Variants in PTK7 observed in about 807,000 individuals in gnomAD.
The protein encoded by PTK7 is inactive tyrosine-protein kinase 7.
In PTK7, 39 loss-of-function variants were observed where a neutral mutation model predicts 116.6. The observed-to-expected ratio is 0.33, with a 90% CI of 0.26 to 0.44. PTK7 has a LOEUF of 0.44. Ranked by LOEUF, PTK7 falls within the 20% of genes least tolerant of loss-of-function variation. PTK7 has a pLI of 1.00. For missense variants in PTK7, 1,169 were observed against 1,425.6 expected (o/e 0.82, Z 2.90); for synonymous variants, 546 against 563.6 (o/e 0.97, Z 0.44).
At chr6:43,118,885 C>A (rs1437535492) in intron 1 of PTK7, among the ~76,000 whole-genome samples, 1 of 150,574 alleles carries the variant, frequency 6.6e-6, no homozygotes, top group Non-Finnish European at 1.5e-5. Context: ...CCTCTCACTT[C>A]AGCCTCCCAA....
intron 1 of PTK7, among the ~76,000 whole-genome samples, chr6:43,094,919 C>T (rs923065183): frequency 1.3e-5 from 2 of 151,136 alleles, no homozygotes; most frequent in Non-Finnish European, 2.9e-5. Context: ...GTTGTGGGCA[C>T]CTGTAGTCCC....
At chr6:43,133,121 T>C (rs1038777009) in intron 7 of PTK7, 2 of 334,002 alleles carry the variant, frequency 6.0e-6, no homozygotes, top group Admixed American at 4.6e-5. Context: ...ATGATTTTTC[T>C]TTTTTTCTTT....
In PTK7 at chr6:43,141,969, G is replaced by A; in HGVS notation, c.1807G>A (p.Val603Met). Residue 603 changes from valine to methionine, a missense_variant, in exon 12 of 20, where the codon GTG becomes ATG. Coordinates refer to ENST00000230419, the MANE Select transcript of PTK7 (RefSeq NM_002821.5). This position sits in a 1 kb window ranked among gnomAD's most constrained non-coding sequence, Gnocchi z 4.9. The part of the protein sequence containing the change: ...TFKVEPERTT[V>M]YQGHTALLQC... ...CAAAGTGGAACCAGAGCGTACGACT[G>A]TGTACCAGGGCCACACAGCCCTACT... 1 of 1,613,398 alleles carries A rather than the reference G, an allele frequency of 6.2e-7. No homozygotes were observed. The highest frequency in any genetic ancestry group is 8.5e-7 in the Non-Finnish European group (1 of 1,179,860).
At chr6:43,120,025 G>C (rs1472342600) in intron 1 of PTK7, among the ~76,000 whole-genome samples, 1 of 152,148 alleles carries the variant, frequency 6.6e-6, no homozygotes, top group African/African-American at 2.4e-5. Context: ...ACTTTTGTGT[G>C]TCTATACTTA....
In PTK7 at chr6:43,143,241, G is replaced by GT; in HGVS notation, c.2048-173dup. ...TGGCCTCATCTCCTTCAGAGTCTTC[G>GT]TTTGACCTTGGTGGGGCATGAGGAC... is the stretch of plus-strand genomic sequence containing the variant. On this transcript the variant is annotated intron_variant, in intron 13 of 19. Coordinates refer to ENST00000230419, the MANE Select transcript of PTK7 (RefSeq NM_002821.5). The surrounding 1 kb of genome is among the most constrained non-coding windows in gnomAD (Gnocchi z 4.2). 1.6e-6 allele frequency: 1 copy of GT among 623,026 alleles called. No individual in the cohort carries two copies. The highest frequency in any genetic ancestry group is 2.0e-5 in the South Asian group (1 of 50,248). The allele number at this position is 623,026 out of a possible 1,614,324, so 38.6% of individuals were successfully genotyped here. A position where few individuals can be genotyped will look rare whatever the true frequency, so the allele number is the denominator to read the frequency against.
At chr6:43,094,002 A>T (rs1042124376) in intron 1 of PTK7, among the ~76,000 whole-genome samples, 2 of 152,182 alleles carry the variant, frequency 1.3e-5, no homozygotes, top group Non-Finnish European at 2.9e-5. Flanking sequence ...TTAAAGTTAT[A>T]CTTCTACGCA....
intron 17 of PTK7, among the ~76,000 whole-genome samples, chr6:43,149,059 C>CAAAAAAAA (rs59033917): frequency 4.3e-5 from 3 of 69,830 alleles, no homozygotes; most frequent in Non-Finnish European, 8.0e-5. Context: ...GACTTTGTCT[C>CAAAAAAAA]AAAAAAAAAA....
At chr6:43,128,917 G>C in intron 1 of PTK7, 60 bp from the exon 2 acceptor site, 1 of 1,532,624 alleles carries the variant, frequency 6.5e-7, no homozygotes, top group Non-Finnish European at 8.9e-7. Context: ...AAGGTGGCCT[G>C]TGTTAGGACA....
At chr6:43,097,932 C>G (rs1031582370) in intron 1 of PTK7, among the ~76,000 whole-genome samples, 7 of 152,184 alleles carry the variant, frequency 4.6e-5, no homozygotes, top group Non-Finnish European at 8.8e-5. Context: ...CCTTGGTTTT[C>G]CCACACAGCC....
intron 7 of PTK7, among the ~76,000 whole-genome samples, chr6:43,137,401 G>A (rs1395603865): frequency 6.6e-6 from 1 of 152,162 alleles, no homozygotes; most frequent in Non-Finnish European, 1.5e-5. Context: ...ATAGAGAGAA[G>A]ACAAGGCTAG....
intron 1 of PTK7, among the ~76,000 whole-genome samples, chr6:43,103,935 G>C (rs1276638350): frequency 6.6e-6 from 1 of 152,126 alleles, no homozygotes; most frequent in Non-Finnish European, 1.5e-5. Flanking sequence ...CTGCACCCGG[G>C]GTGAAAATCT....
At position 43,143,447 on chromosome 6, in the gene PTK7, C is replaced by T. The variant is rs1468515184; in HGVS notation, c.2078C>T (p.Pro693Leu). ...CCTGTGCCGGAGGAGTCGGAGGGCCCTGGCAGCCCTCCCCCCTACAAGATG... is the reference window on the plus strand; with the variant it reads ...CCTGTGCCGGAGGAGTCGGAGGGCCTTGGCAGCCCTCCCCCCTACAAGATG... ...DKPVPEESEG[P>L]GSPPPYKMIQ... The change falls in exon 14 of 20, where the codon CCT (proline) becomes CTT (leucine). Residue 693 changes from proline to leucine, a missense_variant. Physicochemically the swap from Pro to Leu is moderately conservative, Grantham distance 98. Coordinates refer to ENST00000230419, the MANE Select transcript of PTK7 (RefSeq NM_002821.5). The surrounding 1 kb of genome is among the most constrained non-coding windows in gnomAD (Gnocchi z 4.2). 6.2e-7 allele frequency: 1 copy of T among 1,614,020 alleles called. No individual in the cohort carries two copies. The highest frequency in any genetic ancestry group is 8.5e-7 in the Non-Finnish European group (1 of 1,180,018).
At position 43,157,955 on chromosome 6, in the gene PTK7, A is replaced by G. The variant is rs1017553574; in HGVS notation, c.2722-862A>G. Among the ~76,000 whole-genome samples the G allele has an allele frequency of 5.3e-5, 8 of 151,800 alleles. No homozygotes were observed. In the South Asian group the frequency reaches 1.7e-3, roughly 32 times the overall value. ...TGATCAGGCTGGTCTCGAACTCCCA[A>G]TCTCAGGTGATCCACCTGCCTTGGT... On this transcript the variant is annotated intron_variant, in intron 17 of 19. Transcript: ENST00000230419.
At chr6:43,124,264 C>A (rs967626924) in intron 1 of PTK7, among the ~76,000 whole-genome samples, 16 of 152,236 alleles carry the variant, frequency 1.1e-4, no homozygotes, top group African/African-American at 3.6e-4. Context: ...TCTGTCATTG[C>A]TGTCCTCCAT....
chr6:43,076,937 C>A lies in PTK7; in HGVS notation c.79+370C>A, dbSNP rs1371515629. 6.6e-7 allele frequency: 1 copy of A among 1,513,474 alleles called. No homozygotes were observed. Among genetic ancestry groups the A allele is most frequent in the South Asian group, 1.2e-5 (1 of 82,208 alleles). 93.8% of individuals were successfully genotyped at this position (1,513,474 alleles called of 1,614,324 possible). A position where few individuals can be genotyped will look rare whatever the true frequency, so the allele number is the denominator to read the frequency against. On this transcript the variant is annotated intron_variant, in intron 1 of 19. Coordinates refer to ENST00000230419, the MANE Select transcript of PTK7 (RefSeq NM_002821.5). This position sits in a 1 kb window ranked among gnomAD's most constrained non-coding sequence, Gnocchi z 5.7. ...GACCATCCGCACCCACCGTGGGGAG[C>A]GCGATGGAGAAAAAGGAATTCCCCA...
chr6:43,094,816 C>T (rs546614891), intron 1 of PTK7, among the ~76,000 whole-genome samples: 72 of 151,848 alleles, frequency 4.7e-4, no homozygotes, highest in African/African-American at 1.7e-3. Context: ...GGCCAGGCCA[C>T]GGTGGCTCAC....
chr6:43,091,304 G>C (rs545571258), intron 1 of PTK7, among the ~76,000 whole-genome samples: 1 of 151,960 alleles, frequency 6.6e-6, no homozygotes, highest in African/African-American at 2.4e-5. Context: ...GGGACTACAG[G>C]CCCACACCAC....
At position 43,138,841 on chromosome 6, in the gene PTK7, C is replaced by T; in HGVS notation, c.1229-8C>T. 1 of 1,600,832 alleles carries T rather than the reference C, an allele frequency of 6.2e-7. No individual in the cohort carries two copies. The highest frequency in any genetic ancestry group is 1.1e-5 in the South Asian group (1 of 89,404). ...GCAGCCTTCACTGTTTCCTTCCTGT[C>T]TGTCTAGCTGTGCCCTCCTGGCTGA... On this transcript the variant is annotated splice_polypyrimidine_tract_variant and splice_region_variant and intron_variant, in intron 7 of 19. Coordinates refer to ENST00000230419, the MANE Select transcript of PTK7 (RefSeq NM_002821.5).
Position 43,160,843 on chromosome 6 carries a change from A to G in PTK7, c.3175A>G (p.Ser1059Gly). 6.2e-7 allele frequency: 1 copy of G among 1,614,096 alleles called. No individual in the cohort carries two copies. The highest frequency in any genetic ancestry group is 8.5e-7 in the Non-Finnish European group (1 of 1,180,022). The change falls in exon 20 of 20, where the codon AGC becomes GGC. Residue 1059 changes from serine (S) to glycine (G), a missense_variant. By Grantham distance (56) the Ser-to-Gly change is moderately conservative. This residue lies in a region of PTK7 where 678 missense variants were observed against 853.8 expected (regional missense o/e 0.79). Coordinates refer to ENST00000230419, the MANE Select transcript of PTK7 (RefSeq NM_002821.5). ...CCGGCCCTCCTTCAGTGAGATTGCC[A>G]GCGCCCTGGGAGACAGCACCGTGGA... The part of the protein sequence containing the change: ...KDRPSFSEIA[S>G]ALGDSTVDSK...
Sources: gnomAD v4.1 joint callset for allele counts (sites outside exome capture counted in the v4.1 genomes callset) on GRCh38, gnomAD v4.1.1 for gene constraint, gnomAD v4.1.1 regional missense constraint, Gnocchi (gnomAD v3.1) non-coding constraint, MANE v1.5 for transcripts, NCBI Gene and HGNC (gene_info 2026-07-23, HGNC 2026-07-21) for gene names.